Variants in SLC6A11 observed in about 807,000 individuals in gnomAD.
SLC6A11 encodes sodium- and chloride-dependent GABA transporter 3.
A neutral mutation model predicts 74.8 loss-of-function variants in SLC6A11; 25 were observed. That is an observed-to-expected ratio of 0.33 (90% CI 0.24 to 0.47). SLC6A11 has a LOEUF of 0.47. Ranked by LOEUF, SLC6A11 falls within the 20% of genes least tolerant of loss-of-function variation. The pLI, the probability that SLC6A11 is intolerant of heterozygous loss-of-function variation, is 1.00. For synonymous variants in SLC6A11, 330 were observed against 330.2 expected, an observed-to-expected ratio of 1.00 and a Z score of 0.01; for missense variants, 574 against 837.0, an observed-to-expected ratio of 0.69 and a Z score of 3.88.
intron 4 of SLC6A11, among the ~76,000 whole-genome samples, chr3:10,828,013 C>T (rs1404713152): frequency 6.6e-6 from 1 of 152,178 alleles, no homozygotes; most frequent in Non-Finnish European, 1.5e-5. Context: ...TTAGGCCATC[C>T]TCGTTTCCCT....
At chr3:10,902,067 TGTCTGTGTGTGTGTGG>T (rs1220351212) in intron 6 of SLC6A11, among the ~76,000 whole-genome samples, 2 of 144,156 alleles carry the variant, frequency 1.4e-5, no homozygotes, top group Non-Finnish European at 3.0e-5. Context: ...TGTGTGCGTG[TGTCTGTGTGTGTGTGG>T]GTCTGTGTGT....
At position 10,869,576 on chromosome 3, in the gene SLC6A11, G is replaced by C. The variant is rs1218595586; in HGVS notation, c.757-5385G>C. Among the ~76,000 whole-genome samples, 3 of 152,350 alleles carry C rather than the reference G, an allele frequency of 2.0e-5. No individual in the cohort carries two copies. The East Asian group carries it at 5.8e-4, about 29-fold the overall frequency. ...GAGAAAAGGCAAGGAGGCCTAAGAG[G>C]CCTGGCACGTTCCCCAATAGCAGGG... On this transcript the variant is annotated intron_variant, in intron 5 of 13. Transcript: ENST00000254488.
intron 9 of SLC6A11, among the ~76,000 whole-genome samples, chr3:10,928,876 A>C (rs907655164): frequency 6.6e-6 from 1 of 152,180 alleles, no homozygotes; most frequent in South Asian, 2.1e-4. Flanking sequence ...GCATGTAGGC[A>C]TGTGACAGGC....
intron 6 of SLC6A11, among the ~76,000 whole-genome samples, chr3:10,878,963 G>C (rs1340917701): frequency 6.6e-6 from 1 of 152,168 alleles, no homozygotes; most frequent in Non-Finnish European, 1.5e-5. Context: ...GGCATTGACA[G>C]TTTTCCACAG....
intron 8 of SLC6A11, among the ~76,000 whole-genome samples, chr3:10,925,146 TG>T (rs1695586501): frequency 1.3e-5 from 2 of 152,244 alleles, no homozygotes; most frequent in African/African-American, 2.4e-5. Flanking sequence ...GGTGGTTATC[TG>T]GGTGTATACA....
At chr3:10,827,673 A>G (rs1307032078) in intron 4 of SLC6A11, among the ~76,000 whole-genome samples, 1 of 152,182 alleles carries the variant, frequency 6.6e-6, no homozygotes, top group African/African-American at 2.4e-5. Context: ...TACACATAAG[A>G]AAAGCACGGT....
At position 10,918,249 on chromosome 3, in the gene SLC6A11, G is replaced by A; in HGVS notation, c.996-80G>A. 1 of 1,440,490 alleles carries A rather than the reference G, an allele frequency of 6.9e-7. No individual in the cohort carries two copies. The highest frequency in any genetic ancestry group is 9.2e-7 in the Non-Finnish European group (1 of 1,092,820). The allele number at this position is 1,440,490 out of a possible 1,614,324, so 89.2% of individuals were successfully genotyped here. A position where few individuals can be genotyped will look rare whatever the true frequency, so the allele number is the denominator to read the frequency against. ...CCTGCCTGCCTCACAGGACAGCCATGGTGCTCGGGTGGAGAACGTTTGAGC... is the reference window on the plus strand; with the variant it reads ...CCTGCCTGCCTCACAGGACAGCCATAGTGCTCGGGTGGAGAACGTTTGAGC... On this transcript the variant is annotated intron_variant, in intron 7 of 13. Coordinates refer to ENST00000254488, the MANE Select transcript of SLC6A11 (RefSeq NM_014229.3). This position sits in a 1 kb window ranked among gnomAD's most constrained non-coding sequence, Gnocchi z 4.5.
In SLC6A11 at chr3:10,819,796, GC is replaced by G; in HGVS notation, c.477del (p.Ser159ArgfsTer28). 6.2e-7 allele frequency: 1 copy of G among 1,614,234 alleles called. No homozygotes were observed. Among genetic ancestry groups the G allele is most frequent in the East Asian group, 2.2e-5 (1 of 44,882 alleles). ...CTGGCATGGGCCATTTTTTACCTGA[GC>G]AACTGCTTCACTACTGAGCTACCCT... ...IILAWAIFYL[S>X]NCFTTELPWA... is the part of the protein sequence containing the mutation. On this transcript the variant is annotated frameshift_variant, in exon 3 of 14. Transcript: ENST00000254488. LOFTEE classifies it high-confidence loss of function.
chr3:10,911,499 G>T (rs1695388298), intron 6 of SLC6A11, among the ~76,000 whole-genome samples: 1 of 152,140 alleles, frequency 6.6e-6, no homozygotes, highest in Admixed American at 6.5e-5. Flanking sequence ...AAAGGGAGAA[G>T]GACATGGTGG....
chr3:10,867,644 C>T (rs1434352185), intron 5 of SLC6A11, among the ~76,000 whole-genome samples: 1 of 152,154 alleles, frequency 6.6e-6, no homozygotes. Context: ...TGGTCCTTTC[C>T]CACAAATCCA....
chr3:10,876,783 AG>A lies in SLC6A11; in HGVS notation c.891+1689del, dbSNP rs1430647730. Among the ~76,000 whole-genome samples, 265 of 103,940 alleles carry A rather than the reference AG, an allele frequency of 2.5e-3. 1 individual carries two copies. Among genetic ancestry groups the A allele is most frequent in the Non-Finnish European group, 3.4e-3 (195 of 57,186 alleles). The allele number at this position is 103,940 out of a possible 152,430, so 68.2% of individuals were successfully genotyped here. A position where few individuals can be genotyped will look rare whatever the true frequency, so the allele number is the denominator to read the frequency against. Reference sequence around the variant, plus strand: ...CTCCCACACAGAGAGAGAGAGAGAGAGAAAAAAAAAAAACAAACGAGAACTA... The same window carrying A: ...CTCCCACACAGAGAGAGAGAGAGAGAAAAAAAAAAAAACAAACGAGAACTA... On this transcript the variant is annotated intron_variant, in intron 6 of 13. Transcript: ENST00000254488.
Position 10,940,207 on chromosome 3 carries a change from C to G in SLC6A11, c.*1805C>G, listed in dbSNP as rs1272322241. 6.6e-6 allele frequency: 1 copy of G among 152,274 alleles called. No individual in the cohort carries two copies. The highest frequency in any genetic ancestry group is 1.5e-5 in the Non-Finnish European group (1 of 68,100). The allele number at this position is 152,274 out of a possible 1,614,324, so 9.4% of individuals were successfully genotyped here. A position where few individuals can be genotyped will look rare whatever the true frequency, so the allele number is the denominator to read the frequency against. On this transcript the variant is annotated 3_prime_UTR_variant, in exon 14 of 14. Transcript: ENST00000254488. ...TTCTTATGGGCAAGCCACCATCCCA[C>G]TCTCGTCTCCCTGAGCTGTCTGGTT...
At position 10,854,984 on chromosome 3, in the gene SLC6A11, G is replaced by T. The variant is rs927175548; in HGVS notation, c.756+10638G>T. Among the ~76,000 whole-genome samples the T allele has an allele frequency of 2.0e-5, 3 of 151,888 alleles. No individual in the cohort carries two copies. The East Asian group carries it at 5.8e-4, about 29-fold the overall frequency. On this transcript the variant is annotated intron_variant, in intron 5 of 13. Coordinates refer to ENST00000254488, the MANE Select transcript of SLC6A11 (RefSeq NM_014229.3). ...GGATGGGTGAATGGGTGGGTAAGTC[G>T]ATGGATGGGTGGGTGAGTAGATGGA...
chr3:10,874,885 A>G, intron 5 of SLC6A11, 76 bp from the exon 6 acceptor site: 6 of 1,444,492 alleles, frequency 4.2e-6, no homozygotes, highest in Non-Finnish European at 5.6e-6. Context: ...CATGCACCCA[A>G]AGGACATTGT....
At chr3:10,929,005 C>T (rs532499107) in intron 9 of SLC6A11, among the ~76,000 whole-genome samples, 197 bp from the exon 10 acceptor site, 4 of 152,306 alleles carry the variant, frequency 2.6e-5, no homozygotes, top group East Asian at 1.9e-4. Context: ...TGAGCCTCAG[C>T]GTCGTCATCT....
chr3:10,929,296 T>C lies in SLC6A11; in HGVS notation c.1328T>C (p.Leu443Ser), dbSNP rs75582467. 1.6e-4 allele frequency: 253 copies of C among 1,614,134 alleles called. 3 individuals are homozygous for C. The East Asian group carries it at 5.6e-3, about 36-fold the overall frequency. ...CGGCGGGAGCTGCTCATCCTAGCCT[T>C]GTCTGTTATCTCCTATTTTCTGGGC... is the stretch of plus-strand genomic sequence containing the variant. ...GYRRELLILA[L>S]SVISYFLGLV... is the part of the protein sequence containing the mutation. The change falls in exon 10 of 14, where the codon TTG (leucine) becomes TCG (serine). Residue 443 changes from leucine to serine, a missense_variant. Transcript: ENST00000254488.
intron 10 of SLC6A11, among the ~76,000 whole-genome samples, 184 bp downstream of exon 10, chr3:10,929,523 G>T (rs56239600): frequency 0.018 from 2,697 of 152,224 alleles, 80 homozygotes; most frequent in African/African-American, 0.061. Context: ...TCAGCACAGT[G>T]TCTTCATGTG....
chr3:10,843,108 G>A (rs1694458909), intron 4 of SLC6A11, among the ~76,000 whole-genome samples: 1 of 152,082 alleles, frequency 6.6e-6, no homozygotes, highest in Non-Finnish European at 1.5e-5. Flanking sequence ...GTTTGTGTTG[G>A]TGCCATAGTT....
intron 12 of SLC6A11, among the ~76,000 whole-genome samples, chr3:10,934,623 G>A (rs532468189): frequency 1.6e-4 from 24 of 152,342 alleles, no homozygotes; most frequent in Admixed American, 5.9e-4. Context: ...CTCCTTATCC[G>A]TTTCTTGGCA....
Sources: gnomAD v4.1 joint callset for allele counts (sites outside exome capture counted in the v4.1 genomes callset) on GRCh38, gnomAD v4.1.1 for gene constraint, Gnocchi (gnomAD v3.1) non-coding constraint, MANE v1.5 for transcripts, NCBI Gene and HGNC (gene_info 2026-07-23, HGNC 2026-07-21) for gene names.